ADAM19: variants seen among roughly 807,000 people sequenced by gnomAD.
ADAM19 encodes the protein ADAM metallopeptidase domain 19, also known as disintegrin and metalloproteinase domain-containing protein 19.
Under a neutral mutation model 114.7 loss-of-function variants are expected in ADAM19, and 65 were observed. That is an observed-to-expected ratio of 0.57 (90% CI 0.46 to 0.70). The LOEUF (loss-of-function observed/expected upper bound fraction) is 0.70. Among genes scored for constraint, ADAM19 ranks in the 30% least tolerant of loss-of-function variants. The pLI is 0.00. For missense variants in ADAM19, 1,063 were observed against 1,204.7 expected, an observed-to-expected ratio of 0.88 and a Z score of 1.74; for synonymous variants, 466 against 460.5, an observed-to-expected ratio of 1.01 and a Z score of -0.15.
At chr5:157,572,893 T>C (rs897407770) in intron 1 of ADAM19, among the ~76,000 whole-genome samples, 1 of 151,986 alleles carries the variant, frequency 6.6e-6, no homozygotes, top group Admixed American at 6.5e-5. Flanking sequence ...CTACTAAAAA[T>C]ATGAAAATTA....
At chr5:157,492,846 A>G in intron 16 of ADAM19, 127 bp downstream of exon 16, 1 of 958,758 alleles carries the variant, frequency 1.0e-6, no homozygotes, top group East Asian at 2.4e-5. Flanking sequence ...ACGCTTCATG[A>G]AGGGAGCCAC....
At chr5:157,545,823 A>G (rs1367214756) in intron 3 of ADAM19, among the ~76,000 whole-genome samples, 3 of 152,202 alleles carry the variant, frequency 2.0e-5, no homozygotes, top group Non-Finnish European at 4.4e-5. Flanking sequence ...TCTTCATGCA[A>G]TCTCATGAAT....
chr5:157,493,105 A>G lies in ADAM19; in HGVS notation c.1776T>C (p.Ile592=). Residue 592 remains isoleucine, a synonymous_variant, in exon 16 of 23, where the codon ATT becomes ATC. Coordinates refer to ENST00000257527, the MANE Select transcript of ADAM19 (RefSeq NM_033274.5). Reference sequence around the variant, plus strand: ...TCCCATTCATGATGATAGTGGTGTCAATGGGCACCGCGTTGGACTCCAGGG... The same window carrying G: ...TCCCATTCATGATGATAGTGGTGTCGATGGGCACCGCGTTGGACTCCAGGG... ...ARPLESNAVP[I]DTTIIMNGRQ... The G allele has an allele frequency of 1.2e-6, 2 of 1,614,224 alleles. No individual in the cohort carries two copies. The highest frequency in any genetic ancestry group is 1.7e-6 in the Non-Finnish European group (2 of 1,180,042).
chr5:157,505,366 AT>A (rs1274791236), intron 11 of ADAM19, among the ~76,000 whole-genome samples: 1 of 152,180 alleles, frequency 6.6e-6, no homozygotes, highest in Non-Finnish European at 1.5e-5. Flanking sequence ...ATGTGTCCTC[AT>A]AAAAAATTCA....
chr5:157,490,581 T>G, intron 18 of ADAM19, 127 bp from the exon 19 acceptor site: 1 of 1,186,554 alleles, frequency 8.4e-7, no homozygotes, highest in South Asian at 1.5e-5. Flanking sequence ...TTATTTTAAC[T>G]TACAAATTAT....
In ADAM19 at chr5:157,571,680, G is replaced by A. The variant is rs187156704; in HGVS notation, c.95-700C>T. On this transcript the variant is annotated intron_variant, in intron 1 of 22. Transcript: ENST00000257527. ...TGGGGGTGGGGTGAGGCAGAGCGGC[G>A]AGAGTGAGAGCAGAAGCAGGAAGGC... 5.3e-4 allele frequency among the ~76,000 whole-genome samples: 80 copies of A among 152,238 alleles called. 1 individual carries two copies. The highest frequency in any genetic ancestry group is 4.3e-3 in the Admixed American group (65 of 15,290).
intron 5 of ADAM19, among the ~76,000 whole-genome samples, chr5:157,522,206 G>A (rs192156502): frequency 6.6e-5 from 10 of 152,266 alleles, no homozygotes; most frequent in Admixed American, 5.2e-4. Context: ...TGTCCCCAAC[G>A]TACAAATGGG....
In ADAM19 at chr5:157,481,895, CTGGGTT is replaced by C. The variant is rs780436134; in HGVS notation, c.2593_2598del (p.Asn865_Pro866del). 1 of 1,604,516 alleles carries C rather than the reference CTGGGTT, an allele frequency of 6.2e-7. No individual in the cohort carries two copies. On this transcript the variant is annotated inframe_deletion, in exon 22 of 23. Coordinates refer to ENST00000257527, the MANE Select transcript of ADAM19 (RefSeq NM_033274.5). ...CTGGGGAGGCTCCTGCGGCCTGGCACTGGGTTTGCCGGGAGTGCCTTCTGGGGCGGC... is the reference window on the plus strand; with the variant it reads ...CTGGGGAGGCTCCTGCGGCCTGGCACTGCCGGGAGTGCCTTCTGGGGCGGC...
chr5:157,554,082 T>C (rs1193242266), intron 3 of ADAM19, among the ~76,000 whole-genome samples: 3 of 152,184 alleles, frequency 2.0e-5, no homozygotes, highest in Non-Finnish European at 4.4e-5. Flanking sequence ...TGTATATAAA[T>C]ATACATAGGG....
intron 19 of ADAM19, 26 bp downstream of exon 19, chr5:157,490,284 G>A: frequency 6.2e-7 from 1 of 1,612,816 alleles, no homozygotes; most frequent in East Asian, 2.2e-5. Flanking sequence ...AATTGACCCT[G>A]AGTCCTCCAT....
chr5:157,568,909 T>G (rs1757744626), intron 2 of ADAM19: 1 of 152,170 alleles, frequency 6.6e-6, no homozygotes, highest in South Asian at 2.1e-4. Flanking sequence ...ATGACCCATA[T>G]GCTGGGCAGA....
At chr5:157,574,203 G>A (rs1757907197) in intron 1 of ADAM19, among the ~76,000 whole-genome samples, 1 of 152,176 alleles carries the variant, frequency 6.6e-6, no homozygotes, top group Non-Finnish European at 1.5e-5. Context: ...CTGTGGATTT[G>A]GGGGTTGCAG....
intron 4 of ADAM19, among the ~76,000 whole-genome samples, chr5:157,533,552 C>G (rs551230284): frequency 6.6e-6 from 1 of 152,150 alleles, no homozygotes; most frequent in Non-Finnish European, 1.5e-5. Flanking sequence ...CACAGGATTA[C>G]TCATGGGGAG....
chr5:157,560,093 G>A (rs1407336755), intron 3 of ADAM19, among the ~76,000 whole-genome samples: 2 of 151,334 alleles, frequency 1.3e-5, no homozygotes, highest in Middle Eastern at 3.4e-3. Flanking sequence ...GTGAAACCCC[G>A]TCTCTACTAA....
chr5:157,499,382 G>A (rs576409282), intron 13 of ADAM19, among the ~76,000 whole-genome samples, 191 bp downstream of exon 13: 29 of 152,148 alleles, frequency 1.9e-4, no homozygotes, highest in Admixed American at 7.9e-4. Flanking sequence ...GGGATGATCT[G>A]AATTCAGTGA....
chr5:157,555,290 T>C (rs1025657656), intron 3 of ADAM19, among the ~76,000 whole-genome samples: 1 of 152,164 alleles, frequency 6.6e-6, no homozygotes, highest in Non-Finnish European at 1.5e-5. Context: ...AATACCACAG[T>C]ACGATGCCTG....
At position 157,477,607 on chromosome 5, in the gene ADAM19, G is replaced by C. The variant is rs1425379523; in HGVS notation, c.*3342C>G. 1.0e-5 allele frequency: 13 copies of C among 1,277,816 alleles called. No homozygotes were observed. The African/African-American group carries it at 1.4e-4, about 14-fold the overall frequency. 79.2% of individuals were successfully genotyped at this position (1,277,816 alleles called of 1,614,324 possible). ...CTCCTTCGCAGGCTCCCCTGGGGAA[G>C]GGGACCTTTCCAGTTGGCGTTCCCA... On this transcript the variant is annotated 3_prime_UTR_variant, in exon 23 of 23. Transcript: ENST00000257527.
intron 6 of ADAM19, 105 bp downstream of exon 6, chr5:157,519,730 TTAGG>T (rs1756215884): frequency 9.6e-7 from 1 of 1,036,656 alleles, no homozygotes; most frequent in Non-Finnish European, 1.4e-6. Context: ...TTCCTTTTTC[TTAGG>T]CATCACCTTC....
At chr5:157,563,693 G>A (rs1223162922) in intron 3 of ADAM19, among the ~76,000 whole-genome samples, 4 of 152,280 alleles carry the variant, frequency 2.6e-5, no homozygotes, top group South Asian at 2.1e-4. Context: ...TAAGTAGATG[G>A]GGAATGGCCA....
Sources: allele counts gnomAD v4.1 joint callset (sites outside exome capture counted in the v4.1 genomes callset), GRCh38; gene constraint gnomAD v4.1.1; transcripts MANE v1.5; gene names NCBI Gene and HGNC (gene_info 2026-07-23, HGNC 2026-07-21).